Variants in FSD1L observed in about 807,000 individuals in gnomAD.
The protein encoded by FSD1L is FSD1-like protein.
A neutral mutation model predicts 71.6 loss-of-function variants in FSD1L; 45 were observed. The ratio of observed to expected loss-of-function variants is 0.63; its 90% confidence interval spans 0.49 to 0.81. The LOEUF (loss-of-function observed/expected upper bound fraction) is 0.81, where lower values mean the gene tolerates loss of function less well. Among genes scored for constraint, FSD1L ranks in the 30% least tolerant of loss-of-function variants. FSD1L has a pLI of 0.00. For missense variants in FSD1L, 561 were observed against 618.1 expected (o/e 0.91, Z 0.98); for synonymous variants, 197 against 207.2 (o/e 0.95, Z 0.42).
chr9:105,458,677 A>G (rs1221356947), intron 1 of FSD1L, among the ~76,000 whole-genome samples: 1 of 152,134 alleles, frequency 6.6e-6, no homozygotes, highest in African/African-American at 2.4e-5. Context: ...CATAAAGGAA[A>G]TTCTTATTCA....
In FSD1L at chr9:105,552,335, A is replaced by G. The variant is rs1837301980; in HGVS notation, c.*5852A>G. ...TAAAATAGGGTATTCAAAGTGGAGT[A>G]ACGTGTATTTTGAAATGATTTTGTG... On this transcript the variant is annotated 3_prime_UTR_variant, in exon 14 of 14. Transcript: ENST00000481272. 1 of 152,166 alleles carries G rather than the reference A, an allele frequency of 6.6e-6. No homozygotes were observed. The highest frequency in any genetic ancestry group is 2.4e-5 in the African/African-American group (1 of 41,436). The allele number at this position is 152,166 out of a possible 1,614,324, so 9.4% of individuals were successfully genotyped here.
chr9:105,543,321 A>G (rs761488234), intron 13 of FSD1L, among the ~76,000 whole-genome samples: 7 of 152,162 alleles, frequency 4.6e-5, no homozygotes, highest in African/African-American at 1.2e-4. Context: ...GATAGTGTCA[A>G]TGATCTGTAT....
chr9:105,490,283 G>T (rs953972179), intron 7 of FSD1L, among the ~76,000 whole-genome samples: 30 of 152,176 alleles, frequency 2.0e-4, no homozygotes, highest in African/African-American at 5.1e-4. Flanking sequence ...TCATGTGTCT[G>T]TTGGCTGCAT....
In FSD1L at chr9:105,451,165, T is replaced by C. The variant is rs186487255; in HGVS notation, c.15+2930T>C. ...TAGTAGAGACGGGGTTTCATCATGT[T>C]AGCCAGGATGGTCTCTATCTTCTGA... On this transcript the variant is annotated intron_variant, in intron 1 of 13. Transcript: ENST00000481272. 3.9e-5 allele frequency among the ~76,000 whole-genome samples: 6 copies of C among 152,214 alleles called. No individual in the cohort carries two copies. In the East Asian group the frequency reaches 9.7e-4, roughly 25 times the overall value.
chr9:105,506,140 G>A (rs1015205873), intron 7 of FSD1L, among the ~76,000 whole-genome samples: 1 of 152,028 alleles, frequency 6.6e-6, no homozygotes, highest in African/African-American at 2.4e-5. Context: ...ATATTCTACA[G>A]CTATTTGAAA....
At chr9:105,468,585 C>T (rs1831228119) in intron 4 of FSD1L, among the ~76,000 whole-genome samples, 1 of 151,550 alleles carries the variant, frequency 6.6e-6, no homozygotes, top group Admixed American at 6.6e-5. Context: ...ACCTCTGCCT[C>T]CCAGGTTCAG....
rs1040517611 is a variant in FSD1L at position 105,520,221 on chromosome 9, C to G, written c.1025+7285C>G. On this transcript the variant is annotated intron_variant, in intron 10 of 13. Transcript: ENST00000481272. ...CGCACTGACTCGCCTCAAGCACCTG[C>G]GCATCGTCATCGAGTTAATGGTGGA... is the stretch of plus-strand genomic sequence containing the variant. The G allele has an allele frequency of 9.3e-6, 15 of 1,610,562 alleles. No individual in the cohort carries two copies. The Admixed American group carries it at 2.5e-4, about 27-fold the overall frequency.
Position 105,502,212 on chromosome 9 carries a change from A to T in FSD1L, c.587-4187A>T, listed in dbSNP as rs75015948. 9.2e-3 allele frequency among the ~76,000 whole-genome samples: 1,406 copies of T among 152,214 alleles called. 22 individuals are homozygous for T. The highest frequency in any genetic ancestry group is 0.032 in the African/African-American group (1,343 of 41,526). ...GTTACTTTGACATCTTTGAGCCCCT[A>T]ATAAAGATAATGATAATATAAAGTT... On this transcript the variant is annotated intron_variant, in intron 7 of 13. Coordinates refer to ENST00000481272, the MANE Select transcript of FSD1L (RefSeq NM_001145313.3).
Position 105,523,074 on chromosome 9 carries a change from G to A in FSD1L, c.1025+10138G>A, listed in dbSNP as rs1835284598. 1.7e-5 allele frequency: 28 copies of A among 1,614,068 alleles called. No homozygotes were observed. In the South Asian group the frequency reaches 2.9e-4, roughly 16 times the overall value. ...CACTGGGGTTACGTCCTCTGCTGAT[G>A]TGGATTCAGGTTCTGGCCATCATCA... On this transcript the variant is annotated intron_variant, in intron 10 of 13. Transcript: ENST00000481272.
At chr9:105,460,451 G>A (rs1315506868) in intron 1 of FSD1L, among the ~76,000 whole-genome samples, 3 of 151,906 alleles carry the variant, frequency 2.0e-5, no homozygotes, top group Non-Finnish European at 4.4e-5. Context: ...AATTAGCCAG[G>A]CACGGTAGCT....
intron 1 of FSD1L, among the ~76,000 whole-genome samples, chr9:105,457,883 G>C (rs1181052059): frequency 6.6e-6 from 1 of 152,250 alleles, no homozygotes; most frequent in African/African-American, 2.4e-5. Flanking sequence ...TCCATGCGAG[G>C]CTGCAGCTGG....
At chr9:105,496,198 G>A (rs1447839606) in intron 7 of FSD1L, among the ~76,000 whole-genome samples, 4 of 138,436 alleles carry the variant, frequency 2.9e-5, no homozygotes, top group Non-Finnish European at 6.2e-5. Context: ...CTTGATGACT[G>A]TAGCTTTTTT....
intron 10 of FSD1L, chr9:105,523,119 G>A (rs1172611530): frequency 3.7e-6 from 6 of 1,613,822 alleles, no homozygotes; most frequent in Middle Eastern, 1.6e-4. Flanking sequence ...AGAGCAGGAA[G>A]TGGCTAGTCT....
At chr9:105,463,697 G>C (rs1313201240) in intron 2 of FSD1L, among the ~76,000 whole-genome samples, 1 of 152,106 alleles carries the variant, frequency 6.6e-6, no homozygotes, top group Non-Finnish European at 1.5e-5. Flanking sequence ...TGAGCTATCT[G>C]CTACTAAAAT....
At chr9:105,484,108 A>T (rs943629734) in intron 6 of FSD1L, among the ~76,000 whole-genome samples, 5 of 152,028 alleles carry the variant, frequency 3.3e-5, no homozygotes, top group African/African-American at 1.2e-4. Context: ...TTTTTATTGG[A>T]TATTTGTTGT....
chr9:105,509,982 T>A (rs1395626562), intron 9 of FSD1L, among the ~76,000 whole-genome samples: 1 of 152,252 alleles, frequency 6.6e-6, no homozygotes, highest in African/African-American at 2.4e-5. Context: ...ATCATATTTT[T>A]AAAATTTCTT....
Position 105,475,395 on chromosome 9 carries a change from T to C in FSD1L, c.441+3390T>C, listed in dbSNP as rs1409837888. On this transcript the variant is annotated intron_variant, in intron 5 of 13. Coordinates refer to ENST00000481272, the MANE Select transcript of FSD1L (RefSeq NM_001145313.3). Reference sequence around the variant, plus strand: ...TGTATTTCCCACATCTCACTTGTAATGAATGATTCGCCTGTAGAATATTGT... The same window carrying C: ...TGTATTTCCCACATCTCACTTGTAACGAATGATTCGCCTGTAGAATATTGT... 3.9e-5 allele frequency among the ~76,000 whole-genome samples: 6 copies of C among 152,204 alleles called. No individual in the cohort carries two copies. The East Asian group carries it at 1.2e-3, about 29-fold the overall frequency.
At chr9:105,513,933 T>C (rs117965875) in intron 10 of FSD1L, among the ~76,000 whole-genome samples, 1 of 152,344 alleles carries the variant, frequency 6.6e-6, no homozygotes, top group Non-Finnish European at 1.5e-5. Context: ...CTGGCATCTT[T>C]CTTGTTGTAC....
intron 7 of FSD1L, among the ~76,000 whole-genome samples, chr9:105,499,018 C>T (rs558084016): frequency 6.6e-6 from 1 of 152,166 alleles, no homozygotes; most frequent in Non-Finnish European, 1.5e-5. Context: ...GATTTCTATG[C>T]TTTTGAATTT....
Sources: gnomAD v4.1 joint callset for allele counts (sites outside exome capture counted in the v4.1 genomes callset) on GRCh38, gnomAD v4.1.1 for gene constraint, MANE v1.5 for transcripts, NCBI Gene and HGNC (gene_info 2026-07-23, HGNC 2026-07-21) for gene names.